Variants in KCND2 observed in about 807,000 individuals in gnomAD.
KCND2 encodes potassium voltage-gated channel subfamily D member 2.
A neutral mutation model predicts 54.4 loss-of-function variants in KCND2; 16 were observed. The observed-to-expected ratio is 0.29, with a 90% CI of 0.20 to 0.45. The LOEUF (loss-of-function observed/expected upper bound fraction) is 0.45. KCND2 is among the 20% of genes least tolerant of loss of function. The pLI is 1.00. For synonymous variants in KCND2, 317 were observed against 310.7 expected, an observed-to-expected ratio of 1.02 and a Z score of -0.21; for missense variants, 486 against 824.2, an observed-to-expected ratio of 0.59 and a Z score of 5.02.
intron 1 of KCND2, among the ~76,000 whole-genome samples, chr7:120,582,448 A>G (rs1792529207): frequency 6.6e-6 from 1 of 152,062 alleles, no homozygotes. Context: ...GGACACAATG[A>G]TCATTTGTTG....
intron 1 of KCND2, among the ~76,000 whole-genome samples, chr7:120,330,610 T>C: frequency 1.0e-5 from 1 of 99,420 alleles, no homozygotes; most frequent in Non-Finnish European, 2.2e-5. Context: ...AAAAAAAAGT[T>C]AGCTAACATT....
At chr7:120,326,965 T>C (rs1330694591) in intron 1 of KCND2, among the ~76,000 whole-genome samples, 2 of 152,042 alleles carry the variant, frequency 1.3e-5, no homozygotes, top group Admixed American at 1.3e-4. Context: ...ATTTAAAAAA[T>C]CAAATACATC....
intron 1 of KCND2, among the ~76,000 whole-genome samples, chr7:120,613,876 T>C (rs1792988808): frequency 1.3e-5 from 2 of 152,324 alleles, no homozygotes; most frequent in Admixed American, 6.5e-5. Flanking sequence ...ATATTAACTA[T>C]TTTTTGCCAA....
intron 1 of KCND2, among the ~76,000 whole-genome samples, chr7:120,360,344 T>C (rs1584746536): frequency 6.6e-6 from 1 of 152,198 alleles, no homozygotes; most frequent in Admixed American, 6.6e-5. Context: ...AAATTTCCAG[T>C]GATATCCTAA....
intron 1 of KCND2, among the ~76,000 whole-genome samples, chr7:120,588,056 A>C (rs777562241): frequency 6.6e-6 from 1 of 152,150 alleles, no homozygotes; most frequent in African/African-American, 2.4e-5. Context: ...AAATGACAAA[A>C]CTACCTGTTT....
chr7:120,292,688 C>G (rs1799452017), intron 1 of KCND2, among the ~76,000 whole-genome samples: 1 of 151,844 alleles, frequency 6.6e-6, no homozygotes, highest in Non-Finnish European at 1.5e-5. Flanking sequence ...AAAAATTGAG[C>G]TGAAATGTAC....
At chr7:120,599,106 G>T (rs1311575133) in intron 1 of KCND2, among the ~76,000 whole-genome samples, 1 of 152,152 alleles carries the variant, frequency 6.6e-6, no homozygotes, top group East Asian at 1.9e-4. Context: ...AATTGCCTTT[G>T]CACCTTTGTA....
rs1325631917 is a variant in KCND2 at position 120,564,200 on chromosome 7, GC to G, written c.1116-168702del. Among the ~76,000 whole-genome samples the G allele has an allele frequency of 2.0e-5, 3 of 152,254 alleles. 1 individual carries two copies. The highest frequency in any genetic ancestry group is 7.2e-5 in the African/African-American group (3 of 41,548). ...AGTAATAAGGCAAATTTTAATATAT[GC>G]TATATTGTTGAAATTTTTGTAGTAA... is the stretch of plus-strand genomic sequence containing the variant. On this transcript the variant is annotated intron_variant, in intron 1 of 5. Coordinates refer to ENST00000331113, the MANE Select transcript of KCND2 (RefSeq NM_012281.3).
intron 1 of KCND2, among the ~76,000 whole-genome samples, chr7:120,416,395 A>C (rs867693505): frequency 6.6e-6 from 1 of 152,288 alleles, no homozygotes; most frequent in African/African-American, 2.4e-5. Flanking sequence ...TCATTTTTAC[A>C]TAGCTCAAAA....
At chr7:120,280,697 A>G (rs1182653072) in intron 1 of KCND2, among the ~76,000 whole-genome samples, 1 of 152,038 alleles carries the variant, frequency 6.6e-6, no homozygotes, top group Non-Finnish European at 1.5e-5. Flanking sequence ...TGTTCATTTA[A>G]GAATTGTGTG....
At chr7:120,367,382 G>A (rs1344783471) in intron 1 of KCND2, among the ~76,000 whole-genome samples, 1 of 151,864 alleles carries the variant, frequency 6.6e-6, no homozygotes, top group Non-Finnish European at 1.5e-5. Context: ...GACAAAAAGG[G>A]TCTGACTAGC....
chr7:120,412,854 A>G (rs1317577127), intron 1 of KCND2, among the ~76,000 whole-genome samples: 1 of 152,098 alleles, frequency 6.6e-6, no homozygotes, highest in African/African-American at 2.4e-5. Flanking sequence ...AAGATTTTTT[A>G]GGCCACGCTA....
chr7:120,566,460 A>G (rs1172986412), intron 1 of KCND2, among the ~76,000 whole-genome samples: 1 of 151,954 alleles, frequency 6.6e-6, no homozygotes, highest in Non-Finnish European at 1.5e-5. Context: ...CTCCCACCTA[A>G]GCCTCCCACG....
intron 1 of KCND2, among the ~76,000 whole-genome samples, chr7:120,580,446 C>G (rs563718487): frequency 6.6e-6 from 1 of 152,290 alleles, no homozygotes; most frequent in South Asian, 2.1e-4. Context: ...ACCTTCTGCT[C>G]CACAAGCTAG....
At chr7:120,487,641 A>G (rs1376121196) in intron 1 of KCND2, among the ~76,000 whole-genome samples, 1 of 152,154 alleles carries the variant, frequency 6.6e-6, no homozygotes. Flanking sequence ...GTCCAAATGC[A>G]GTGACCATGT....
intron 1 of KCND2, among the ~76,000 whole-genome samples, chr7:120,443,486 A>C (rs1801973500): frequency 6.6e-6 from 1 of 151,860 alleles, no homozygotes; most frequent in South Asian, 2.1e-4. Flanking sequence ...CTTACTATTT[A>C]TTCTCGTGGT....
chr7:120,335,556 G>A (rs1332898977), intron 1 of KCND2, among the ~76,000 whole-genome samples: 1 of 151,058 alleles, frequency 6.6e-6, no homozygotes, highest in Non-Finnish European at 1.5e-5. Flanking sequence ...GTGCGATCTT[G>A]GCTCACTGCA....
chr7:120,536,248 A>AT (rs1562866782), intron 1 of KCND2, among the ~76,000 whole-genome samples: 1 of 152,156 alleles, frequency 6.6e-6, no homozygotes, highest in Non-Finnish European at 1.5e-5. Context: ...TAATTAAAAA[A>AT]ATATATATTG....
chr7:120,401,738 CTTG>C (rs1282138807), intron 1 of KCND2, among the ~76,000 whole-genome samples: 1 of 152,142 alleles, frequency 6.6e-6, no homozygotes, highest in African/African-American at 2.4e-5. Context: ...CCAAAATTAT[CTTG>C]TTGTAGATTT....
Sources: allele counts gnomAD v4.1 joint callset (sites outside exome capture counted in the v4.1 genomes callset), GRCh38; gene constraint gnomAD v4.1.1; transcripts MANE v1.5; gene names NCBI Gene and HGNC (gene_info 2026-07-23, HGNC 2026-07-21).